Variants in NAPSA observed in about 807,000 individuals in gnomAD.
NAPSA encodes napsin-A.
In NAPSA, 37 loss-of-function variants were observed where a neutral mutation model predicts 36.7. The ratio of observed to expected loss-of-function variants is 1.01; its 90% CI spans 0.78 to 1.33. The LOEUF (loss-of-function observed/expected upper bound fraction) is 1.33, where lower values mean the gene tolerates loss of function less well. Ranked by LOEUF, NAPSA falls within the 40% of genes most tolerant of loss-of-function variation. NAPSA has a pLI of 0.00. For synonymous variants in NAPSA, 222 were observed against 234.5 expected, an observed-to-expected ratio of 0.95 and a Z score of 0.49; for missense variants, 532 against 543.8, an observed-to-expected ratio of 0.98 and a Z score of 0.21.
At position 50,364,314 on chromosome 19, in the gene NAPSA, C is replaced by CA. The variant is rs56181758; in HGVS notation, c.83+1224dup. On this transcript the variant is annotated intron_variant, in intron 1 of 8. Coordinates refer to ENST00000253719, the MANE Select transcript of NAPSA (RefSeq NM_004851.3). ...TGGGCGACAGGGCAAGACTCCGTCT[C>CA]AAAAAAAAAAAAAAAAAAAGGCCAG... 7.2e-3 allele frequency among the ~76,000 whole-genome samples: 474 copies of CA among 65,698 alleles called. 5 individuals carry two copies. Among genetic ancestry groups the CA allele is most frequent in the East Asian group, 0.041 (69 of 1,686 alleles). 43.1% of individuals were successfully genotyped at this position (65,698 alleles called of 152,430 possible). A position where few individuals can be genotyped will look rare whatever the true frequency, so the allele number is the denominator to read the frequency against.
At chr19:50,367,000 T>G (rs2037556999), upstream of NAPSA, among the ~76,000 whole-genome samples, 1 of 152,100 alleles carries the variant, frequency 6.6e-6, no homozygotes, top group African/African-American at 2.4e-5. Context: ...AGTTTTTGTA[T>G]TTTTAGTAAA....
chr19:50,361,466 C>G, intron 4 of NAPSA, 197 bp downstream of exon 4: 1 of 612,796 alleles, frequency 1.6e-6, no homozygotes, highest in Non-Finnish European at 2.9e-6. Flanking sequence ...AGAAGCCCCA[C>G]CTCTTCACCC....
At chr19:50,367,547 TCC>T (rs2037563196), upstream of NAPSA, among the ~76,000 whole-genome samples, 2 of 126,816 alleles carry the variant, frequency 1.6e-5, no homozygotes, top group Admixed American at 7.9e-5. Context: ...TCTCTCTCTC[TCC>T]CTCTCTCTCT....
chr19:50,359,150 C>T (rs2123604978), intron 7 of NAPSA, 41 bp from the exon 8 acceptor site: 1 of 1,537,098 alleles, frequency 6.5e-7, no homozygotes, highest in Middle Eastern at 1.7e-4. Flanking sequence ...GAGATTCCTG[C>T]TCTGTTCAGT....
At position 50,358,993 on chromosome 19, in the gene NAPSA, AT is replaced by A. The variant is rs2037433568; in HGVS notation, c.1035+17del. 1.2e-6 allele frequency: 2 copies of A among 1,602,034 alleles called. No individual in the cohort carries two copies. Among genetic ancestry groups the A allele is most frequent in the Non-Finnish European group, 1.7e-6 (2 of 1,169,368 alleles). ...CGTCATATGACGTCACTATGGCGTCATGGTGATGGCCACCTACCTGGATGAC... is the reference window on the plus strand; with the variant it reads ...CGTCATATGACGTCACTATGGCGTCAGGTGATGGCCACCTACCTGGATGAC... On this transcript the variant is annotated intron_variant, in intron 8 of 8. Transcript: ENST00000253719.
At chr19:50,363,426 G>T (rs1353193246) in intron 1 of NAPSA, among the ~76,000 whole-genome samples, 1 of 152,036 alleles carries the variant, frequency 6.6e-6, no homozygotes, top group African/African-American at 2.4e-5. Context: ...TGTCACCCAG[G>T]CTGGAGTGCA....
chr19:50,359,987 G>A, intron 5 of NAPSA, 125 bp from the exon 6 acceptor site: 1 of 1,280,812 alleles, frequency 7.8e-7, no homozygotes, highest in Non-Finnish European at 1.1e-6. Flanking sequence ...GGGGTAATGG[G>A]ATGCAGGAAG....
chr19:50,364,472 G>A (rs599100), intron 1 of NAPSA, among the ~76,000 whole-genome samples: 51,881 of 150,650 alleles, frequency 0.34, 9,140 homozygotes, highest in Admixed American at 0.4. Flanking sequence ...AAAATTAGCC[G>A]GGCGTGGTGG....
At chr19:50,363,208 G>A (rs1211817487) in intron 1 of NAPSA, among the ~76,000 whole-genome samples, 1 of 152,070 alleles carries the variant, frequency 6.6e-6, no homozygotes, top group Non-Finnish European at 1.5e-5. Context: ...GCACGAGAAT[G>A]TGAAGTGGGG....
rs1323147640 is a variant in NAPSA, at chr19:50,359,040, TA to T, written c.1005del (p.Phe335LeufsTer56). Reference protein sequence around the residue: ...AVSFLLGGVWFNLTAHDYVIQ... With the variant: ...AVSFLLGGVWXNLTAHDYVIQ... ...ATGACGTAATCATGGGCCGTGAGGTTAAACCAGACCCCCCCAAGAAGGAAGG... is the reference window on the plus strand; with the variant it reads ...ATGACGTAATCATGGGCCGTGAGGTTAACCAGACCCCCCCAAGAAGGAAGG... On this transcript the variant is annotated frameshift_variant, in exon 8 of 9. Coordinates refer to ENST00000253719, the MANE Select transcript of NAPSA (RefSeq NM_004851.3). LOFTEE classifies it low-confidence loss of function (END_TRUNC). 1 of 1,614,048 alleles carries T rather than the reference TA, an allele frequency of 6.2e-7. No individual in the cohort carries two copies. Among genetic ancestry groups the T allele is most frequent in the Admixed American group, 1.7e-5 (1 of 60,010 alleles).
intron 5 of NAPSA, 61 bp downstream of exon 5, chr19:50,360,867 CAGTGACTTCCTGA>C: frequency 7.1e-7 from 1 of 1,407,772 alleles, no homozygotes; most frequent in Non-Finnish European, 9.7e-7. Context: ...TGCATTGGGT[CAGTGACTTCCTGA>C]AGGAAGACTC....
chr19:50,358,861 C>T, intron 8 of NAPSA, 81 bp from the exon 9 acceptor site: 1 of 1,397,882 alleles, frequency 7.2e-7, no homozygotes, highest in Non-Finnish European at 9.7e-7. Context: ...TCCCCCCCAC[C>T]CTCGGGTTCT....
At chr19:50,365,064 G>A (rs190986448) in intron 1 of NAPSA, among the ~76,000 whole-genome samples, 205 of 151,190 alleles carry the variant, frequency 1.4e-3, no homozygotes, top group African/African-American at 3.6e-3. Context: ...AGCCAGGCGC[G>A]GTGGCTCACG....
At chr19:50,362,118 G>A (rs1337691527) in intron 2 of NAPSA, 26 bp from the exon 3 acceptor site, 5 of 1,613,678 alleles carry the variant, frequency 3.1e-6, no homozygotes, top group South Asian at 1.1e-5. Context: ...GAGAGTAAAC[G>A]AAGAGTTTGG....
chr19:50,361,332 C>T, intron 4 of NAPSA, 192 bp from the exon 5 acceptor site: 3 of 601,958 alleles, frequency 5.0e-6, no homozygotes, highest in South Asian at 2.1e-5. Context: ...CTTGAGAAGC[C>T]CCACCTCTTC....
upstream of NAPSA, chr19:50,365,738 GTC>G: frequency 1.2e-6 from 1 of 805,450 alleles, no homozygotes; most frequent in Non-Finnish European, 2.0e-6. Context: ...CATGAAATCT[GTC>G]CGCAGGTGAC....
At position 50,359,548 on chromosome 19, in the gene NAPSA, C is replaced by T; in HGVS notation, c.891G>A (p.Arg297=). The change falls in exon 7 of 9, where the codon CGG becomes CGA. Residue 297 remains arginine, a synonymous_variant. Transcript: ENST00000253719. The stretch of plus-strand genomic sequence containing the variant: ...TTCCCCCAATGGCTGCATGCAGGGC[C>T]CGGATCTCCTCAGTGGGTCCTGTGA... ...SLITGPTEEI[R]ALHAAIGGIP... 1 of 1,614,240 alleles carries T rather than the reference C, an allele frequency of 6.2e-7. No individual in the cohort carries two copies. The highest frequency in any genetic ancestry group is 8.5e-7 in the Non-Finnish European group (1 of 1,180,050).
chr19:50,360,785 C>T (rs778584367), intron 5 of NAPSA, among the ~76,000 whole-genome samples, 156 bp downstream of exon 5: 2 of 152,082 alleles, frequency 1.3e-5, no homozygotes, highest in Non-Finnish European at 2.9e-5. Context: ...ATGGAGGATG[C>T]AACTTCTTGT....
intron 1 of NAPSA, among the ~76,000 whole-genome samples, chr19:50,363,703 A>T (rs2037505606): frequency 6.6e-6 from 1 of 151,998 alleles, no homozygotes; most frequent in South Asian, 2.1e-4. Context: ...AGCTGGGACC[A>T]TGGGTGTGCA....
Sources: allele counts gnomAD v4.1 joint callset (sites outside exome capture counted in the v4.1 genomes callset), GRCh38; gene constraint gnomAD v4.1.1; transcripts MANE v1.5; gene names NCBI Gene and HGNC (gene_info 2026-07-23, HGNC 2026-07-21).